The following DLL1 variants were observed in gnomAD, a reference collection of about 807,000 sequenced individuals.
DLL1 encodes delta like canonical Notch ligand 1.
In DLL1, 9 loss-of-function variants were observed where a neutral mutation model predicts 75.1. The ratio of observed to expected loss-of-function variants is 0.12; its 90% CI spans 0.07 to 0.21. The LOEUF (loss-of-function observed/expected upper bound fraction) is 0.21. Among genes scored for constraint, DLL1 ranks in the 10% least tolerant of loss-of-function variants. DLL1 has a pLI of 1.00. For synonymous variants in DLL1, 477 were observed against 418.3 expected (o/e 1.14, Z -1.71); for missense variants, 837 against 1,007.6 (o/e 0.83, Z 2.29).
At chr6:170,289,881 G>T (rs1334622826) in intron 1 of DLL1, 73 bp from the exon 2 acceptor site, 5 of 1,475,594 alleles carry the variant, frequency 3.4e-6, no homozygotes, top group Middle Eastern at 1.8e-4. Flanking sequence ...CTGGGTGGGG[G>T]GTGTGCGGAG....
chr6:170,282,946 T>C lies in DLL1; in HGVS notation c.2166+42A>G, dbSNP rs768748206. The C allele has an allele frequency of 3.7e-6, 6 of 1,614,180 alleles. No homozygotes were observed. In the East Asian group the frequency reaches 6.7e-5, roughly 18 times the overall value. On this transcript the variant is annotated intron_variant, in intron 10 of 10. Coordinates refer to ENST00000366756, the MANE Select transcript of DLL1 (RefSeq NM_005618.4). ...ATTCCCGTGCTCCAGCTTCAGGTGC[T>C]CCCATGCCGAGGAGGAGGGAGCGGC...
intron 3 of DLL1, 42 bp from the exon 4 acceptor site, chr6:170,288,538 C>G: frequency 1.2e-6 from 2 of 1,614,018 alleles, no homozygotes; most frequent in Non-Finnish European, 1.7e-6. Context: ...GAACGAGAAC[C>G]CTGTGACTCG....
At position 170,283,364 on chromosome 6, in the gene DLL1, C is replaced by T. The variant is rs1349642569; in HGVS notation, c.1915G>A (p.Val639Met). 1 of 1,612,382 alleles carries T rather than the reference C, an allele frequency of 6.2e-7. No homozygotes were observed. Among genetic ancestry groups the T allele is most frequent in the Non-Finnish European group, 8.5e-7 (1 of 1,180,038 alleles). Residue 639 changes from valine to methionine, a missense_variant, in exon 9 of 11, where the codon GTG becomes ATG. Around this residue, in one of 2 missense-constraint regions of DLL1, gnomAD observed 533 missense variants for 545.7 expected, o/e 0.98. Coordinates refer to ENST00000366756, the MANE Select transcript of DLL1 (RefSeq NM_005618.4). ...AGGTCCTGCACGAGGTTATAGTCCA[C>T]CGCTGGGTAGCGGGCCTTGAAGCCA... The part of the protein sequence containing the change: ...KNGFKARYPA[V>M]DYNLVQDLKG...
In DLL1 at chr6:170,283,658, C is replaced by T. The variant is rs776282548; in HGVS notation, c.1621G>A (p.Gly541Arg). Reference sequence around the variant, plus strand: ...CACACGGCCACCCAGGGGAATGGCCCGCCCTGGCCCTCTAGCTTCTCAGTG... The same window carrying T: ...CACACGGCCACCCAGGGGAATGGCCTGCCCTGGCCCTCTAGCTTCTCAGTG... Reference protein sequence around the residue: ...DLTEKLEGQGGPFPWVAVCAG... With the variant: ...DLTEKLEGQGRPFPWVAVCAG... Residue 541 changes from glycine to arginine, a missense_variant, in exon 9 of 11, where the codon GGG (glycine) becomes AGG (arginine). Physicochemically the swap from Gly to Arg is moderately radical, Grantham distance 125. This residue lies in a region of DLL1 where 533 missense variants were observed against 545.7 expected (regional missense o/e 0.98). Transcript: ENST00000366756. 71 of 1,588,200 alleles carry T rather than the reference C, an allele frequency of 4.5e-5. No homozygotes were observed. Among genetic ancestry groups the T allele is most frequent in the South Asian group, 7.9e-5 (7 of 88,254 alleles).
At chr6:170,288,637 A>C in intron 3 of DLL1, 92 bp downstream of exon 3, 1 of 1,608,940 alleles carries the variant, frequency 6.2e-7, no homozygotes, top group South Asian at 1.1e-5. Context: ...GTGCAGAATG[A>C]AAGCTGTCCG....
chr6:170,284,809 G>C, intron 8 of DLL1, 110 bp downstream of exon 8: 1 of 1,150,830 alleles, frequency 8.7e-7, no homozygotes, highest in Non-Finnish European at 1.3e-6. Context: ...TGGCGGTCTG[G>C]ATAAAAGTGA....
Position 170,289,536 on chromosome 6 carries a change from G to C in DLL1, c.327C>G (p.Arg109=). 1 of 1,534,904 alleles carries C rather than the reference G, an allele frequency of 6.5e-7. No homozygotes were observed. Among genetic ancestry groups the C allele is most frequent in the Non-Finnish European group, 8.7e-7 (1 of 1,146,368 alleles). The stretch of plus-strand genomic sequence containing the variant: ...CCGGCCAGGTGAAGCCGAAGGGGAA[G>C]CGGATGGGGTTGCTGAACGCGGAGT... ...GADSAFSNPI[R]FPFGFTWPGT... Residue 109 remains arginine, a synonymous_variant, in exon 2 of 11, where the codon CGC becomes CGG. Coordinates refer to ENST00000366756, the MANE Select transcript of DLL1 (RefSeq NM_005618.4).
chr6:170,290,894 C>T lies in DLL1; in HGVS notation c.-755G>A. ...GGTTCCCCTGCGCTCTGCCCTCGGC[C>T]GGGTCGGGTCTCCGCGGGTGCGCGC... is the stretch of plus-strand genomic sequence containing the variant. On this transcript the variant is annotated 5_prime_UTR_variant, in exon 1 of 11. Coordinates refer to ENST00000366756, the MANE Select transcript of DLL1 (RefSeq NM_005618.4). The surrounding 1 kb of genome is among the most constrained non-coding windows in gnomAD (Gnocchi z 4.7). 1.4e-6 allele frequency: 1 copy of T among 691,526 alleles called. No individual in the cohort carries two copies. The highest frequency in any genetic ancestry group is 2.0e-5 in the Admixed American group (1 of 49,456). The allele number at this position is 691,526 out of a possible 1,614,324, so 42.8% of individuals were successfully genotyped here. A position where few individuals can be genotyped will look rare whatever the true frequency, so the allele number is the denominator to read the frequency against.
rs1453295100 is a variant in DLL1 at position 170,288,252 on chromosome 6, G to C, written c.657C>G (p.Pro219=). The change falls in exon 4 of 11, where the codon CCC becomes CCG. Residue 219 remains proline (P), a synonymous_variant. Transcript: ENST00000366756. ...CCAGAGACTCACGCTCTGTGCAGTA[G>C]GGCCCTTTCCAGCCAGGGTTGCACA... ...EKVCNPGWKG[P]YCTEPICLPG... is the part of the protein sequence containing the mutation. 6.2e-7 allele frequency: 1 copy of C among 1,613,936 alleles called. No individual in the cohort carries two copies. Among genetic ancestry groups the C allele is most frequent in the Non-Finnish European group, 8.5e-7 (1 of 1,180,044 alleles).
At chr6:170,287,543 G>A (rs1214921021) in intron 4 of DLL1, among the ~76,000 whole-genome samples, 1 of 152,208 alleles carries the variant, frequency 6.6e-6, no homozygotes, top group Non-Finnish European at 1.5e-5. Flanking sequence ...TGCCTGCCAT[G>A]ACATTGACAC....
In DLL1 at chr6:170,283,712, G is replaced by C; in HGVS notation, c.1567C>G (p.Leu523Val). 1 of 1,551,308 alleles carries C rather than the reference G, an allele frequency of 6.4e-7. No individual in the cohort carries two copies. Residue 523 changes from leucine (L) to valine (V), a missense_variant, in exon 9 of 11, where the codon CTG becomes GTG. This residue lies in a region of DLL1 where 533 missense variants were observed against 545.7 expected (regional missense o/e 0.98). Coordinates refer to ENST00000366756, the MANE Select transcript of DLL1 (RefSeq NM_005618.4). ...GPNCQFLLPE[L>V]PPGPAVVDLT... is the part of the protein sequence containing the mutation. ...TCCACCACCGCTGGGCCCGGGGGCA[G>C]CTCGGGGAGCAGGAACTGGCAGTTG...
intron 8 of DLL1, 38 bp downstream of exon 8, chr6:170,284,881 C>T (rs202107314): frequency 2.2e-5 from 35 of 1,601,812 alleles, no homozygotes; most frequent in African/African-American, 1.3e-4. Flanking sequence ...ATTGACCGCT[C>T]GCCCGAGTCT....
At chr6:170,285,775 C>T (rs1310387133) in intron 5 of DLL1, 76 bp from the exon 6 acceptor site, 27 of 1,590,804 alleles carry the variant, frequency 1.7e-5, no homozygotes, top group Non-Finnish European at 2.2e-5. Context: ...CCCTAGAAAC[C>T]ATCTTCCCGC....
rs1233633411 is a variant in DLL1, at chr6:170,290,924, G to C, written c.-785C>G. On this transcript the variant is annotated 5_prime_UTR_variant, in exon 1 of 11. In the 5' UTR this introduces an upstream ATG that the reference lacks. Coordinates refer to ENST00000366756, the MANE Select transcript of DLL1 (RefSeq NM_005618.4). This position sits in a 1 kb window ranked among gnomAD's most constrained non-coding sequence, Gnocchi z 4.7. ...CGGGTCTCCGCGGGTGCGCGCAGAGGATCTGGCTCTCGCCGGCGCCTGCCG... is the reference window on the plus strand; with the variant it reads ...CGGGTCTCCGCGGGTGCGCGCAGAGCATCTGGCTCTCGCCGGCGCCTGCCG... The C allele has an allele frequency of 1.4e-6, 1 of 697,214 alleles. No individual in the cohort carries two copies. The highest frequency in any genetic ancestry group is 2.6e-6 in the Non-Finnish European group (1 of 382,258). The allele number at this position is 697,214 out of a possible 1,614,324, so 43.2% of individuals were successfully genotyped here. A position where few individuals can be genotyped will look rare whatever the true frequency, so the allele number is the denominator to read the frequency against.
At chr6:170,285,156 A>G in intron 7 of DLL1, 21 bp from the exon 8 acceptor site, 1 of 1,613,814 alleles carries the variant, frequency 6.2e-7, no homozygotes, top group Admixed American at 1.7e-5. Flanking sequence ...GAGAGGTCAG[A>G]AAAGGCTTTC....
rs755985600 is a variant in DLL1, at chr6:170,283,799, C to T, written c.1480G>A (p.Ala494Thr). The change falls in exon 9 of 11, where the codon GCC becomes ACC. Residue 494 changes from alanine (A) to threonine (T), a missense_variant. Transcript: ENST00000366756. ...RCEHAPCHNG[A>T]TCHERGHRYV... ...CGGTGGCCCCTCTCGTGGCAGGTGG[C>T]CCCATTGTGGCAGGGTGCGTGCTCG... 6.3e-7 allele frequency: 1 copy of T among 1,596,486 alleles called. No individual in the cohort carries two copies. The highest frequency in any genetic ancestry group is 8.5e-7 in the Non-Finnish European group (1 of 1,174,204).
Position 170,288,085 on chromosome 6 carries a change from G to A in DLL1, c.670+154C>T. On this transcript the variant is annotated intron_variant, in intron 4 of 10. Transcript: ENST00000366756. ...CCCAACCCCCCCACTGACGAGCTGT[G>A]ACTTATAGCAATCCACTTCTGTCCT... The A allele has an allele frequency of 3.4e-6, 4 of 1,160,474 alleles. No individual in the cohort carries two copies. In the South Asian group the frequency reaches 5.4e-5, roughly 16 times the overall value. 71.9% of individuals were successfully genotyped at this position (1,160,474 alleles called of 1,614,324 possible). A position where few individuals can be genotyped will look rare whatever the true frequency, so the allele number is the denominator to read the frequency against.
Position 170,282,818 on chromosome 6 carries a change from CCT to C in DLL1, c.*54_*55del. The C allele has an allele frequency of 6.2e-7, 1 of 1,613,350 alleles. No individual in the cohort carries two copies. The highest frequency in any genetic ancestry group is 8.5e-7 in the Non-Finnish European group (1 of 1,179,932). Reference sequence around the variant, plus strand: ...CAGCAGCATTCGTTGGGGCATATATCCTTGGAATTTTACTTATTTTAAGAGAA... The same window carrying C: ...CAGCAGCATTCGTTGGGGCATATATCTGGAATTTTACTTATTTTAAGAGAA... On this transcript the variant is annotated 3_prime_UTR_variant, in exon 11 of 11. Coordinates refer to ENST00000366756, the MANE Select transcript of DLL1 (RefSeq NM_005618.4).
At chr6:170,288,666 G>C in intron 3 of DLL1, 63 bp downstream of exon 3, 1 of 1,611,104 alleles carries the variant, frequency 6.2e-7, no homozygotes, top group African/African-American at 1.3e-5. Context: ...TGGGGGATGG[G>C]TGGGCAAAGT....
Sources: allele counts gnomAD v4.1 joint callset (sites outside exome capture counted in the v4.1 genomes callset), GRCh38; gene constraint gnomAD v4.1.1; regional missense constraint gnomAD v4.1.1; non-coding constraint Gnocchi (gnomAD v3.1); transcripts MANE v1.5; gene names NCBI Gene and HGNC (gene_info 2026-07-23, HGNC 2026-07-21).